Variants in ROBO2 observed in about 807,000 individuals in gnomAD.
The protein encoded by ROBO2 is roundabout guidance receptor 2.
ROBO2 carries 53 observed loss-of-function variants against 160.8 expected under a neutral mutation model. That is an observed-to-expected ratio of 0.33 (90% confidence interval 0.26 to 0.41). The LOEUF is 0.41. Among genes scored for constraint, ROBO2 ranks in the 10% least tolerant of loss-of-function variants. ROBO2 has a pLI of 1.00. For missense variants in ROBO2, 1,577 were observed against 1,722.4 expected (o/e 0.92, Z 1.49); for synonymous variants, 664 against 611.7 (o/e 1.09, Z -1.26).
intron 2 of ROBO2, among the ~76,000 whole-genome samples, chr3:75,961,994 A>G (rs1310720028): frequency 6.6e-6 from 1 of 151,376 alleles, no homozygotes; most frequent in Admixed American, 6.6e-5. Flanking sequence ...AAATATTCCA[A>G]ACAATGACCT....
chr3:77,439,063 A>G (rs548011336), intron 2 of ROBO2, among the ~76,000 whole-genome samples: 1 of 152,056 alleles, frequency 6.6e-6, no homozygotes, highest in Admixed American at 6.6e-5. Flanking sequence ...ATACAAAAGG[A>G]CAATATATAT....
chr3:77,021,789 A>G (rs72902095), intron 2 of ROBO2, among the ~76,000 whole-genome samples: 168 of 152,274 alleles, frequency 1.1e-3, no homozygotes, highest in African/African-American at 3.8e-3. Context: ...TTTCTGATAA[A>G]TCAAATGAAT....
chr3:76,115,519 C>T (rs898360519), intron 2 of ROBO2, among the ~76,000 whole-genome samples: 2 of 151,992 alleles, frequency 1.3e-5, no homozygotes, highest in African/African-American at 4.8e-5. Flanking sequence ...GTCCAAGCTG[C>T]TTGGTATGTA....
At chr3:77,303,825 G>T (rs2062863947) in intron 2 of ROBO2, among the ~76,000 whole-genome samples, 1 of 151,974 alleles carries the variant, frequency 6.6e-6, no homozygotes, top group Admixed American at 6.6e-5. Flanking sequence ...ATATGCAAGT[G>T]CTAGGGATAA....
intron 2 of ROBO2, among the ~76,000 whole-genome samples, chr3:76,766,672 C>G (rs2061591541): frequency 6.6e-6 from 1 of 151,584 alleles, no homozygotes; most frequent in African/African-American, 2.4e-5. Flanking sequence ...TACTGGGACT[C>G]TCAATGGATC....
chr3:77,625,786 A>C (rs2095008021), intron 23 of ROBO2, among the ~76,000 whole-genome samples: 1 of 152,194 alleles, frequency 6.6e-6, no homozygotes, highest in African/African-American at 2.4e-5. Flanking sequence ...ACTAACTAAC[A>C]AACAAAAACT....
intron 2 of ROBO2, among the ~76,000 whole-genome samples, chr3:76,904,458 T>A (rs2075452676): frequency 6.6e-6 from 1 of 152,188 alleles, no homozygotes; most frequent in Non-Finnish European, 1.5e-5. Flanking sequence ...TTTACTTTCA[T>A]AATAATATAC....
intron 2 of ROBO2, among the ~76,000 whole-genome samples, chr3:76,850,993 C>T (rs11718266): frequency 0.12 from 18,864 of 152,172 alleles, 1,330 homozygotes; most frequent in East Asian, 0.24. Context: ...ATTTCTAAGG[C>T]TATAAATGCC....
At chr3:77,639,242 C>G (rs776118237) in intron 24 of ROBO2, among the ~76,000 whole-genome samples, 3 of 152,104 alleles carry the variant, frequency 2.0e-5, no homozygotes, top group Non-Finnish European at 4.4e-5. Flanking sequence ...AATCTATTCA[C>G]TCAAATACTT....
At chr3:77,303,319 T>C (rs534314274) in intron 2 of ROBO2, among the ~76,000 whole-genome samples, 1 of 152,272 alleles carries the variant, frequency 6.6e-6, no homozygotes, top group African/African-American at 2.4e-5. Flanking sequence ...TGTTGAATGG[T>C]TGAAACAGGT....
At chr3:77,289,069 AT>A (rs2153383223) in intron 2 of ROBO2, among the ~76,000 whole-genome samples, 1 of 152,280 alleles carries the variant, frequency 6.6e-6, no homozygotes, top group African/African-American at 2.4e-5. Flanking sequence ...GAATACTATG[AT>A]TAACAAAATC....
At chr3:77,029,374 A>C (rs747826735) in intron 2 of ROBO2, among the ~76,000 whole-genome samples, 2 of 152,062 alleles carry the variant, frequency 1.3e-5, no homozygotes, top group Non-Finnish European at 2.9e-5. Flanking sequence ...ATGATGAGGG[A>C]AATGGGGTGG....
intron 5 of ROBO2, among the ~76,000 whole-genome samples, chr3:77,501,265 C>G (rs1322947786): frequency 2.0e-5 from 3 of 152,020 alleles, no homozygotes; most frequent in African/African-American, 7.2e-5. Context: ...TGGAGACACT[C>G]TCCCCTGTAC....
In ROBO2 at chr3:77,047,760, T is replaced by C. The variant is rs190520034; in HGVS notation, c.61+6914T>C. On this transcript the variant is annotated intron_variant, in intron 1 of 25. Transcript: ENST00000461745. ...ATAAAGATGTATATAAAGATATATA[T>C]GGGCTGGGCGCGGTGGCTCACGCCT... Among the ~76,000 whole-genome samples, 914 of 149,856 alleles carry C rather than the reference T, an allele frequency of 6.1e-3. 8 individuals are homozygous for C. Among genetic ancestry groups the C allele is most frequent in the African/African-American group, 0.021 (859 of 41,062 alleles).
At chr3:77,102,974 A>G (rs550772476) in intron 2 of ROBO2, among the ~76,000 whole-genome samples, 14 of 152,316 alleles carry the variant, frequency 9.2e-5, no homozygotes, top group African/African-American at 3.1e-4. Context: ...AATAAGCAAG[A>G]GGCCTGGTAG....
At chr3:76,546,584 G>A (rs1578054308) in intron 2 of ROBO2, among the ~76,000 whole-genome samples, 2 of 152,016 alleles carry the variant, frequency 1.3e-5, no homozygotes, top group South Asian at 4.1e-4. Context: ...ATGTGACAAA[G>A]ATTACATCTG....
rs369559252 is a variant in ROBO2 at position 77,517,499 on chromosome 3, T to G, written c.807-5276T>G. Among the ~76,000 whole-genome samples the G allele has an allele frequency of 5.3e-5, 8 of 151,570 alleles. No homozygotes were observed. In the East Asian group the frequency reaches 1.4e-3, roughly 26 times the overall value. On this transcript the variant is annotated intron_variant, in intron 5 of 25. Coordinates refer to ENST00000461745, the Ensembl canonical transcript of ROBO2. ...CCAAATGAGAAGCCATTGGATAGTTTCGAAGAGTTCAGTGACATAATCAGA... is the reference window on the plus strand; with the variant it reads ...CCAAATGAGAAGCCATTGGATAGTTGCGAAGAGTTCAGTGACATAATCAGA...
intron 2 of ROBO2, among the ~76,000 whole-genome samples, chr3:77,297,769 C>T (rs369969049): frequency 1.3e-5 from 2 of 151,866 alleles, no homozygotes; most frequent in Non-Finnish European, 2.9e-5. Context: ...TTACATTTAA[C>T]GGAAGAAGAA....
At chr3:77,291,130 T>C (rs1410632536) in intron 2 of ROBO2, among the ~76,000 whole-genome samples, 4 of 149,652 alleles carry the variant, frequency 2.7e-5, no homozygotes, top group Admixed American at 1.3e-4. Context: ...ACCCCAGACA[T>C]AAAGTAAAAC....
Sources: gnomAD v4.1 joint callset for allele counts (sites outside exome capture counted in the v4.1 genomes callset) on GRCh38, gnomAD v4.1.1 for gene constraint, MANE v1.5 for transcripts, NCBI Gene and HGNC (gene_info 2026-07-23, HGNC 2026-07-21) for gene names.